COLGALT2: variants seen among roughly 807,000 people sequenced by gnomAD.
COLGALT2 encodes collagen beta(1-O)galactosyltransferase 2, also known as procollagen galactosyltransferase 2.
COLGALT2 carries 49 observed loss-of-function variants against 73.4 expected under a neutral mutation model. That is an observed-to-expected ratio of 0.67 (90% CI 0.53 to 0.85). The LOEUF is 0.85. Among genes scored for constraint, COLGALT2 ranks in the 40% least tolerant of loss-of-function variants. The probability of loss-of-function intolerance (pLI) is 0.00; values close to 1 mark genes in which losing one functional copy is unlikely to be tolerated. For synonymous variants in COLGALT2, 295 were observed against 307.6 expected, an observed-to-expected ratio of 0.96 and a Z score of 0.43; for missense variants, 722 against 790.2, an observed-to-expected ratio of 0.91 and a Z score of 1.03.
intron 8 of COLGALT2, among the ~76,000 whole-genome samples, chr1:183,948,098 A>T (rs887485319): frequency 1.3e-5 from 2 of 152,074 alleles, no homozygotes; most frequent in Admixed American, 6.5e-5. Flanking sequence ...TAATAAAAAA[A>T]ATTTCCATAA....
chr1:183,930,575 T>TC (rs532332982), intron 11 of COLGALT2, among the ~76,000 whole-genome samples: 2 of 140,360 alleles, frequency 1.4e-5, no homozygotes, highest in African/African-American at 5.5e-5. Context: ...TTTTCTTTTT[T>TC]TTTTTTTTTT....
intron 1 of COLGALT2, among the ~76,000 whole-genome samples, chr1:183,993,063 T>C (rs1056656103): frequency 2.0e-5 from 3 of 152,162 alleles, no homozygotes; most frequent in Non-Finnish European, 4.4e-5. Context: ...AAAAATGCCA[T>C]CCTCACTTTT....
rs796682897 is a variant in COLGALT2 at position 184,009,445 on chromosome 1, AATT to A, written c.263+27647_263+27649del. Among the ~76,000 whole-genome samples, 24 of 152,338 alleles carry A rather than the reference AATT, an allele frequency of 1.6e-4. 1 individual carries two copies. Among genetic ancestry groups the A allele is most frequent in the African/African-American group, 5.5e-4 (23 of 41,580 alleles). ...TTCTCAGTATGTATTATATTTGGTC[AATT>A]ATGCCAGAAAGCTCCTAAATCTAGA... On this transcript the variant is annotated intron_variant, in intron 1 of 11. Coordinates refer to ENST00000361927, the MANE Select transcript of COLGALT2 (RefSeq NM_015101.4).
downstream of COLGALT2, among the ~76,000 whole-genome samples, chr1:183,931,187 G>A (rs1005072621): frequency 7.2e-5 from 11 of 152,158 alleles, no homozygotes; most frequent in Non-Finnish European, 1.3e-4. Flanking sequence ...ATCACACTGG[G>A]CCAGGCACTG....
At chr1:183,952,356 A>T (rs560114783) in intron 7 of COLGALT2, among the ~76,000 whole-genome samples, 1 of 152,200 alleles carries the variant, frequency 6.6e-6, no homozygotes, top group Non-Finnish European at 1.5e-5. Flanking sequence ...TTGAGGAGAC[A>T]TTAATGTTTA....
intron 6 of COLGALT2, 64 bp from the exon 7 acceptor site, chr1:183,954,902 T>C: frequency 8.2e-7 from 1 of 1,220,904 alleles, no homozygotes. Context: ...CAGAATTCCA[T>C]CCGCATGCCT....
At chr1:183,967,719 C>T (rs538026347) in intron 5 of COLGALT2, among the ~76,000 whole-genome samples, 1 of 152,216 alleles carries the variant, frequency 6.6e-6, no homozygotes, top group Non-Finnish European at 1.5e-5. Flanking sequence ...ACTTCAACCT[C>T]TGAAGGAAAG....
intron 6 of COLGALT2, among the ~76,000 whole-genome samples, chr1:183,958,549 T>C (rs1178021439): frequency 6.6e-6 from 1 of 151,994 alleles, no homozygotes; most frequent in Non-Finnish European, 1.5e-5. Context: ...AAAATCTCTG[T>C]CTAGCTCATG....
chr1:183,990,419 C>T (rs763815362), intron 1 of COLGALT2, among the ~76,000 whole-genome samples: 3 of 152,240 alleles, frequency 2.0e-5, no homozygotes, highest in Non-Finnish European at 2.9e-5. Flanking sequence ...GTGGCACTTG[C>T]TGGAAAGCAA....
chr1:184,006,628 A>AAT, intron 1 of COLGALT2, among the ~76,000 whole-genome samples: 1 of 151,854 alleles, frequency 6.6e-6, no homozygotes, highest in East Asian at 1.9e-4. Flanking sequence ...AATAATAAAA[A>AAT]GATTATGAGG....
intron 1 of COLGALT2, among the ~76,000 whole-genome samples, chr1:184,029,040 T>A (rs950852410): frequency 6.6e-6 from 1 of 152,172 alleles, no homozygotes; most frequent in Non-Finnish European, 1.5e-5. Context: ...AGGATTTCTG[T>A]ATGGTGCTCC....
At chr1:183,958,100 A>C (rs758475426) in intron 6 of COLGALT2, among the ~76,000 whole-genome samples, 9 of 152,010 alleles carry the variant, frequency 5.9e-5, no homozygotes, top group Non-Finnish European at 1.2e-4. Flanking sequence ...CACATCCCCA[A>C]ATTCTCTGTG....
chr1:183,975,620 G>C (rs1450861499), intron 2 of COLGALT2, among the ~76,000 whole-genome samples: 1 of 152,220 alleles, frequency 6.6e-6, no homozygotes, highest in Non-Finnish European at 1.5e-5. Flanking sequence ...ACATCGAATA[G>C]ATTTGGAGAG....
intron 4 of COLGALT2, among the ~76,000 whole-genome samples, chr1:183,971,217 T>G (rs1407791992): frequency 6.6e-6 from 1 of 152,196 alleles, no homozygotes; most frequent in Non-Finnish European, 1.5e-5. Flanking sequence ...TTGAATGAGT[T>G]TAAAGGCTCT....
At chr1:183,967,840 G>C (rs1383026019) in intron 5 of COLGALT2, among the ~76,000 whole-genome samples, 1 of 152,178 alleles carries the variant, frequency 6.6e-6, no homozygotes, top group East Asian at 1.9e-4. Context: ...CACTGACATA[G>C]GAATCTTTAC....
intron 10 of COLGALT2, 61 bp downstream of exon 10, chr1:183,944,135 G>A: frequency 6.5e-7 from 1 of 1,528,960 alleles, no homozygotes; most frequent in Non-Finnish European, 8.8e-7. Flanking sequence ...GGGGCTCTCT[G>A]CGCATTGGAA....
At chr1:183,999,905 C>T (rs995135298) in intron 1 of COLGALT2, among the ~76,000 whole-genome samples, 1 of 151,808 alleles carries the variant, frequency 6.6e-6, no homozygotes, top group Non-Finnish European at 1.5e-5. Flanking sequence ...TTGATATCTT[C>T]AGTTTCTATT....
At position 183,939,034 on chromosome 1, in the gene COLGALT2, G is replaced by A. The variant is rs370645334; in HGVS notation, c.1608C>T (p.Ala536=). 36 of 1,607,314 alleles carry A rather than the reference G, an allele frequency of 2.2e-5. No homozygotes were observed. The highest frequency in any genetic ancestry group is 5.0e-5 in the Admixed American group (3 of 59,850). Residue 536 remains alanine, a synonymous_variant, in exon 12 of 12, where the codon GCC becomes GCT. Coordinates refer to ENST00000361927, the MANE Select transcript of COLGALT2 (RefSeq NM_015101.4). The part of the protein sequence containing the change: ...LPVMYNKHPV[A]EYKEYYESRD... ...TGGATTCATAATACTCCTTGTACTC[G>A]GCTCTGAAAACAAGAAGGTGGCCGG... is the stretch of plus-strand genomic sequence containing the variant.
intron 5 of COLGALT2, among the ~76,000 whole-genome samples, chr1:183,965,867 C>A (rs1407487346): frequency 6.6e-6 from 1 of 152,166 alleles, no homozygotes; most frequent in African/African-American, 2.4e-5. Flanking sequence ...AACAAGAACA[C>A]TGACCATCAA....
Sources: allele counts gnomAD v4.1 joint callset (sites outside exome capture counted in the v4.1 genomes callset), GRCh38; gene constraint gnomAD v4.1.1; transcripts MANE v1.5; gene names NCBI Gene and HGNC (gene_info 2026-07-23, HGNC 2026-07-21).